The following CIT variants were observed in gnomAD, a reference collection of about 807,000 sequenced individuals.
CIT encodes the protein citron Rho-interacting kinase.
CIT carries 79 observed loss-of-function variants against 272.7 expected under a neutral mutation model. That is an observed-to-expected ratio of 0.29 (90% confidence interval 0.24 to 0.35). The LOEUF (loss-of-function observed/expected upper bound fraction) is 0.35, where lower values mean the gene tolerates loss of function less well. Among genes scored for constraint, CIT ranks in the 10% least tolerant of loss-of-function variants. The probability of loss-of-function intolerance (pLI) is 1.00; values close to 1 mark genes in which losing one functional copy is unlikely to be tolerated. For synonymous variants in CIT, 948 were observed against 995.6 expected (o/e 0.95, Z 0.90); for missense variants, 1,909 against 2,618.3 (o/e 0.73, Z 5.91).
At chr12:119,782,033 A>G (rs907703825) in intron 13 of CIT, 3 of 152,708 alleles carry the variant, frequency 2.0e-5, no homozygotes, top group African/African-American at 7.2e-5. Flanking sequence ...GCCAGGGCCG[A>G]TATGCAAATT....
Position 119,735,256 on chromosome 12 carries a change from A to G in CIT, c.3060T>C (p.Ser1020=), listed in dbSNP as rs1958689165. The G allele has an allele frequency of 1.2e-6, 2 of 1,614,198 alleles. No individual in the cohort carries two copies. Among genetic ancestry groups the G allele is most frequent in the Non-Finnish European group, 1.7e-6 (2 of 1,180,042 alleles). ...GTTGTACAATCTCGTCGTTGGCGCC[A>G]GAAGCCTCATCGAGTTGTTTGGACA... ...FYLSKQLDEA[S]GANDEIVQLR... Residue 1020 remains serine (S), a synonymous_variant, in exon 25 of 48, where the codon TCT becomes TCC. Coordinates refer to ENST00000392521, the MANE Select transcript of CIT (RefSeq NM_001206999.2).
At position 119,784,351 on chromosome 12, in the gene CIT, GTT is replaced by G; in HGVS notation, c.1402-302_1402-301del. On this transcript the variant is annotated intron_variant, in intron 11 of 47. Transcript: ENST00000392521. This position sits in a 1 kb window ranked among gnomAD's most constrained non-coding sequence, Gnocchi z 4.7. ...TTTTCACCTGTTTGCTTTTGTTTTT[GTT>G]TTGTTTTTGCAGACGTCACTTTAAT... 1 of 1,340,520 alleles carries G rather than the reference GTT, an allele frequency of 7.5e-7. No individual in the cohort carries two copies. The highest frequency in any genetic ancestry group is 1.3e-5 in the South Asian group (1 of 75,262). 83.0% of individuals were successfully genotyped at this position (1,340,520 alleles called of 1,614,324 possible).
At chr12:119,841,521 C>T (rs1566113444) in intron 5 of CIT, among the ~76,000 whole-genome samples, 1 of 152,040 alleles carries the variant, frequency 6.6e-6, no homozygotes, top group African/African-American at 2.4e-5. Flanking sequence ...ATTGTGCCCC[C>T]AAATCCATCC....
In CIT at chr12:119,857,658, C is replaced by T. The variant is rs377141243; in HGVS notation, c.279G>A (p.Ser93=). 8.7e-6 allele frequency: 14 copies of T among 1,613,862 alleles called. No individual in the cohort carries two copies. The highest frequency in any genetic ancestry group is 8.0e-5 in the African/African-American group (6 of 74,862). Residue 93 remains serine, a synonymous_variant, in exon 4 of 48, where the codon TCG becomes TCA. Transcript: ENST00000392521. ...TIAELQELQP[S]AKDFEVRSLV... is the part of the protein sequence containing the mutation. ...GACTTCTGACTTCGAAGTCCTTTGC[C>T]GAAGGCTGGAGCTCCTGTAACTCAG...
intron 9 of CIT, among the ~76,000 whole-genome samples, chr12:119,806,031 G>A (rs1195771388): frequency 6.6e-6 from 1 of 151,862 alleles, no homozygotes; most frequent in East Asian, 1.9e-4. Context: ...CAGCTACTTG[G>A]GAGGCTGAGG....
At chr12:119,869,640 A>G (rs967220482) in intron 2 of CIT, among the ~76,000 whole-genome samples, 1 of 152,200 alleles carries the variant, frequency 6.6e-6, no homozygotes. Context: ...ACCTAGAGTA[A>G]TAAGAACTGA....
intron 7 of CIT, among the ~76,000 whole-genome samples, chr12:119,825,983 G>A (rs1209770213): frequency 5.9e-5 from 9 of 152,156 alleles, no homozygotes; most frequent in South Asian, 2.1e-4. Context: ...CACAAGAATC[G>A]CTTGAACCTG....
chr12:119,770,943 T>TG lies in CIT; in HGVS notation c.2083-34dup. On this transcript the variant is annotated intron_variant, in intron 17 of 47. Coordinates refer to ENST00000392521, the MANE Select transcript of CIT (RefSeq NM_001206999.2). The surrounding 1 kb of genome is among the most constrained non-coding windows in gnomAD (Gnocchi z 4.4). ...TCATGAATCAATCAGAGAGTTTTAATGGAGTAACCGCTATGGGCATAACAC... is the reference window on the plus strand; with the variant it reads ...TCATGAATCAATCAGAGAGTTTTAATGGGAGTAACCGCTATGGGCATAACAC... 1 of 1,611,834 alleles carries TG rather than the reference T, an allele frequency of 6.2e-7. No homozygotes were observed. The highest frequency in any genetic ancestry group is 8.5e-7 in the Non-Finnish European group (1 of 1,179,430).
chr12:119,875,145 A>G (rs1466210156), intron 2 of CIT, among the ~76,000 whole-genome samples: 1 of 152,106 alleles, frequency 6.6e-6, no homozygotes, highest in Non-Finnish European at 1.5e-5. Flanking sequence ...TCTACAAAAA[A>G]TACAAAAATT....
At position 119,710,178 on chromosome 12, in the gene CIT, A is replaced by G. The variant is rs1199640373; in HGVS notation, c.5071+73T>C. On this transcript the variant is annotated intron_variant, in intron 39 of 47. Transcript: ENST00000392521. This position sits in a 1 kb window ranked among gnomAD's most constrained non-coding sequence, Gnocchi z 5.6. ...CCTCTCTACTATTTTGTGTTTTACG[A>G]GCATGAAACGTGGCTTCAACATATT... The G allele has an allele frequency of 3.3e-6, 5 of 1,532,420 alleles. No individual in the cohort carries two copies. The highest frequency in any genetic ancestry group is 4.4e-6 in the Non-Finnish European group (5 of 1,128,016). 94.9% of individuals were successfully genotyped at this position (1,532,420 alleles called of 1,614,324 possible).
intron 5 of CIT, among the ~76,000 whole-genome samples, chr12:119,835,385 T>C (rs997776972): frequency 6.6e-6 from 1 of 152,204 alleles, no homozygotes; most frequent in Non-Finnish European, 1.5e-5. Context: ...AGTCTTCACC[T>C]ACCATTCAAT....
At chr12:119,837,414 G>A (rs886623835) in intron 5 of CIT, among the ~76,000 whole-genome samples, 1 of 152,144 alleles carries the variant, frequency 6.6e-6, no homozygotes, top group Non-Finnish European at 1.5e-5. Flanking sequence ...CATAAAATAC[G>A]TTTGGATTGT....
Position 119,712,245 on chromosome 12 carries a change from C to A in CIT, c.4787G>T (p.Trp1596Leu). 6.2e-7 allele frequency: 1 copy of A among 1,614,112 alleles called. No homozygotes were observed. Among genetic ancestry groups the A allele is most frequent in the Non-Finnish European group, 8.5e-7 (1 of 1,179,994 alleles). ...GACAACTGATTCTAAGGCGGTGACC[C>A]AGCGCTGTTTGTCAGGGAAGCTGGG... is the stretch of plus-strand genomic sequence containing the variant. ...LAPSFPDKQR[W>L]VTALESVVAG... The change falls in exon 37 of 48, where the codon TGG becomes TTG. Residue 1596 changes from tryptophan (W) to leucine (L), a missense_variant. This residue lies in a region of CIT where 780 missense variants were observed against 1,067.2 expected (regional missense o/e 0.73). Coordinates refer to ENST00000392521, the MANE Select transcript of CIT (RefSeq NM_001206999.2). The surrounding 1 kb of genome is among the most constrained non-coding windows in gnomAD (Gnocchi z 5.2).
rs1039853639 is a variant in CIT, at chr12:119,804,514, C to A, written c.1112-1125G>T. 4 of 876,574 alleles carry A rather than the reference C, an allele frequency of 4.6e-6. No individual in the cohort carries two copies. The highest frequency in any genetic ancestry group is 7.8e-5 in the Admixed American group (1 of 12,788). 54.3% of individuals were successfully genotyped at this position (876,574 alleles called of 1,614,324 possible). ...AGTGACAGAGCAGCATGAGTCACTG[C>A]CCGCCAGGGCTCGCTAGAGCTCCCC... On this transcript the variant is annotated intron_variant, in intron 9 of 47. Transcript: ENST00000392521. This position sits in a 1 kb window ranked among gnomAD's most constrained non-coding sequence, Gnocchi z 5.3.
At chr12:119,692,274 C>T (rs913474210) in intron 46 of CIT, among the ~76,000 whole-genome samples, 5 of 152,178 alleles carry the variant, frequency 3.3e-5, no homozygotes, top group Non-Finnish European at 7.4e-5. Flanking sequence ...TATGGCAAGA[C>T]CCCGCTTCTA....
At chr12:119,872,005 G>A (rs1950693063) in intron 2 of CIT, among the ~76,000 whole-genome samples, 1 of 152,160 alleles carries the variant, frequency 6.6e-6, no homozygotes, top group Non-Finnish European at 1.5e-5. Flanking sequence ...TAAAGCAGGG[G>A]TTCCCAAATA....
rs564052166 is a variant in CIT, at chr12:119,832,795, G to A, written c.729C>T (p.Ala243=). 30 of 1,613,628 alleles carry A rather than the reference G, an allele frequency of 1.9e-5. No homozygotes were observed. The highest frequency in any genetic ancestry group is 1.7e-4 in the Middle Eastern group (1 of 6,058). ...CCATCTTGTTTGAATTCATTTTCGCGGCAGATCCAAAATCCACCAGCTTGA... is the reference window on the plus strand; with the variant it reads ...CCATCTTGTTTGAATTCATTTTCGCAGCAGATCCAAAATCCACCAGCTTGA... ...GHIKLVDFGS[A]AKMNSNKMVN... The change falls in exon 7 of 48, where the codon GCC becomes GCT. Residue 243 remains alanine, a synonymous_variant. Transcript: ENST00000392521.
intron 46 of CIT, among the ~76,000 whole-genome samples, chr12:119,691,367 A>G (rs546641859): frequency 6.6e-6 from 1 of 152,242 alleles, no homozygotes; most frequent in South Asian, 2.1e-4. Context: ...CCCTGTACTG[A>G]TCACTGTTAA....
chr12:119,721,804 G>A (rs1423972943), intron 28 of CIT, among the ~76,000 whole-genome samples: 1 of 152,166 alleles, frequency 6.6e-6, no homozygotes, highest in Non-Finnish European at 1.5e-5. Flanking sequence ...AAGGCAGTTC[G>A]ACTCAGTGCC....
Sources: gnomAD v4.1 joint callset for allele counts (sites outside exome capture counted in the v4.1 genomes callset) on GRCh38, gnomAD v4.1.1 for gene constraint, gnomAD v4.1.1 regional missense constraint, Gnocchi (gnomAD v3.1) non-coding constraint, MANE v1.5 for transcripts, NCBI Gene and HGNC (gene_info 2026-07-23, HGNC 2026-07-21) for gene names.